The following EPB41 variants were observed in gnomAD, a reference collection of about 807,000 sequenced individuals.
The protein encoded by EPB41 is protein 4.1.
EPB41 carries 65 observed loss-of-function variants against 108.0 expected under a neutral mutation model. That is an observed-to-expected ratio of 0.60 (90% CI 0.49 to 0.74). EPB41 has a LOEUF of 0.74. EPB41 is among the 30% of genes least tolerant of loss of function. The probability of loss-of-function intolerance (pLI) is 0.00; values close to 1 mark genes in which losing one functional copy is unlikely to be tolerated. For synonymous variants in EPB41, 336 were observed against 358.9 expected, an observed-to-expected ratio of 0.94 and a Z score of 0.72; for missense variants, 875 against 1,037.0, an observed-to-expected ratio of 0.84 and a Z score of 2.15.
chr1:28,893,516 T>C (rs2090348244), intron 1 of EPB41: 1 of 152,310 alleles, frequency 6.6e-6, no homozygotes, highest in African/African-American at 2.4e-5. Context: ...CCCCAACACC[T>C]GGCACACAGC....
Position 28,988,365 on chromosome 1 carries a change from C to CT in EPB41, c.468+461dup, listed in dbSNP as rs1187937961. Among the ~76,000 whole-genome samples, 5 of 152,006 alleles carry CT rather than the reference C, an allele frequency of 3.3e-5. No homozygotes were observed. In the South Asian group the frequency reaches 6.2e-4, roughly 19 times the overall value. ...ATCATAAAGCTTTATAGTTTCTACT[C>CT]TATTTTTTTTTTGAGACTGAGTCTT... On this transcript the variant is annotated intron_variant, in intron 2 of 20. Transcript: ENST00000343067.
In EPB41 at chr1:29,033,154, A is replaced by G. The variant is rs756675893; in HGVS notation, c.1274A>G (p.Asp425Gly). ...VCSSGLLVYK[D>G]KLRINRFPWP... is the part of the protein sequence containing the mutation. ...TCTAGTGGCCTTCTGGTTTACAAAG[A>G]TAAGCTGAGAATTAACCGCTTCCCT... is the stretch of plus-strand genomic sequence containing the variant. Residue 425 changes from aspartate (D) to glycine (G), a missense_variant, in exon 9 of 21, where the codon GAT (aspartate) becomes GGT (glycine). Asp to Gly is a moderately conservative substitution (Grantham distance 94). This residue lies in a region of EPB41 where 519 missense variants were observed against 627.3 expected (regional missense o/e 0.83). Transcript: ENST00000343067. The G allele has an allele frequency of 1.2e-6, 2 of 1,613,980 alleles. No individual in the cohort carries two copies. Among genetic ancestry groups the G allele is most frequent in the Non-Finnish European group, 1.7e-6 (2 of 1,179,898 alleles).
chr1:29,109,193 C>G (rs1033111975), intron 17 of EPB41, 143 bp from the exon 18 acceptor site: 1 of 697,038 alleles, frequency 1.4e-6, no homozygotes, highest in Non-Finnish European at 2.6e-6. Flanking sequence ...AGTGAAACTC[C>G]GTCTCAAAAA....
At chr1:29,030,576 T>C (rs1003028258) in intron 8 of EPB41, 89 bp downstream of exon 8, 3 of 1,010,084 alleles carry the variant, frequency 3.0e-6, no homozygotes, top group African/African-American at 3.2e-5. Context: ...CTGTGTCATA[T>C]AATACTTTTT....
intron 1 of EPB41, among the ~76,000 whole-genome samples, chr1:28,894,875 C>T (rs564271473): frequency 6.6e-6 from 1 of 152,312 alleles, no homozygotes; most frequent in South Asian, 2.1e-4. Context: ...GTTCCTCTTT[C>T]TGGCTTTTTT....
chr1:28,993,660 T>TTC (rs1438270356), intron 3 of EPB41, 118 bp downstream of exon 3: 28 of 692,888 alleles, frequency 4.0e-5, no homozygotes, highest in East Asian at 3.3e-4. Flanking sequence ...CTTTTTTCTT[T>TTC]TTTTTTTTTT....
intron 1 of EPB41, among the ~76,000 whole-genome samples, chr1:28,897,706 A>G (rs1451538079): frequency 6.6e-6 from 1 of 150,850 alleles, no homozygotes; most frequent in Non-Finnish European, 1.5e-5. Context: ...GAAGGAAAGA[A>G]AGAAGGCACT....
At position 29,039,403 on chromosome 1, in the gene EPB41, G is replaced by A. The variant is rs749032128; in HGVS notation, c.1613G>A (p.Arg538Gln). 10 of 1,614,042 alleles carry A rather than the reference G, an allele frequency of 6.2e-6. No individual in the cohort carries two copies. Among genetic ancestry groups the A allele is most frequent in the South Asian group, 1.1e-5 (1 of 91,074 alleles). ...APHFERTASK[R>Q]ASRSLDGAAA... Reference sequence around the variant, plus strand: ...CACTTCGAGCGTACAGCAAGTAAACGGGCGTCCCGGAGCCTCGATGGAGGT... The same window carrying A: ...CACTTCGAGCGTACAGCAAGTAAACAGGCGTCCCGGAGCCTCGATGGAGGT... The change falls in exon 11 of 21, where the codon CGG (arginine) becomes CAG (glutamine). Residue 538 changes from arginine to glutamine, a missense_variant. By Grantham distance (43) the Arg-to-Gln change is conservative. Coordinates refer to ENST00000343067, the MANE Select transcript of EPB41 (RefSeq NM_001376013.1).
intron 17 of EPB41, among the ~76,000 whole-genome samples, chr1:29,098,584 G>C (rs1242389455): frequency 6.6e-6 from 1 of 152,164 alleles, no homozygotes; most frequent in East Asian, 1.9e-4. Context: ...TAATGGTTGA[G>C]AACATGGGCT....
chr1:29,092,851 G>A (rs1218769397), intron 16 of EPB41, among the ~76,000 whole-genome samples: 1 of 152,126 alleles, frequency 6.6e-6, no homozygotes, highest in East Asian at 1.9e-4. Flanking sequence ...ATGGCCTCCA[G>A]CTCCATCTGT....
In EPB41 at chr1:29,119,986, CTGTT is replaced by C. The variant is rs1032839557; in HGVS notation, c.*3177_*3180del. The C allele has an allele frequency of 9.8e-5, 15 of 152,726 alleles. No homozygotes were observed. The highest frequency in any genetic ancestry group is 3.1e-4 in the African/African-American group (13 of 41,552). 9.5% of individuals were successfully genotyped at this position (152,726 alleles called of 1,614,324 possible). ...AGAAGTGGTTGTAGTGTTTAGATAT[CTGTT>C]TGGTCTTGCTTCTTGTATTGCATTT... On this transcript the variant is annotated 3_prime_UTR_variant, in exon 21 of 21. Transcript: ENST00000343067.
At chr1:28,989,741 T>C (rs2095961684) in intron 2 of EPB41, among the ~76,000 whole-genome samples, 1 of 152,204 alleles carries the variant, frequency 6.6e-6, no homozygotes, top group Non-Finnish European at 1.5e-5. Context: ...GTGACACTTT[T>C]CACTTTATCA....
chr1:29,070,562 A>G (rs1650850350), intron 16 of EPB41: 3 of 1,231,878 alleles, frequency 2.4e-6, no homozygotes, highest in Admixed American at 4.2e-5. Flanking sequence ...TCCTTTCATG[A>G]TGTCTTTTCT....
At position 29,119,536 on chromosome 1, in the gene EPB41, G is replaced by A. The variant is rs1416897650; in HGVS notation, c.*2724G>A. ...GCAAGACCTGTATTTATAAGCCGAGGGCTCAGGGAGCCTAACTGCGGGACC... is the reference window on the plus strand; with the variant it reads ...GCAAGACCTGTATTTATAAGCCGAGAGCTCAGGGAGCCTAACTGCGGGACC... On this transcript the variant is annotated 3_prime_UTR_variant, in exon 21 of 21. Coordinates refer to ENST00000343067, the MANE Select transcript of EPB41 (RefSeq NM_001376013.1). The A allele has an allele frequency of 6.6e-6, 1 of 152,228 alleles. No homozygotes were observed. Among genetic ancestry groups the A allele is most frequent in the Non-Finnish European group, 1.5e-5 (1 of 68,082 alleles). The allele number at this position is 152,228 out of a possible 1,614,324, so 9.4% of individuals were successfully genotyped here.
chr1:28,887,584 CT>C lies in EPB41; in HGVS notation c.-8+376del. ...GCCCCCGGCCGCCCCCTAGCCCCGC[CT>C]TGCCCGGCCCCGCATGCTCCTGCCG... On this transcript the variant is annotated intron_variant, in intron 1 of 16. Transcript: ENST00000347529. This position sits in a 1 kb window ranked among gnomAD's most constrained non-coding sequence, Gnocchi z 4.9. The C allele has an allele frequency of 2.0e-6, 2 of 985,336 alleles. No individual in the cohort carries two copies. Among genetic ancestry groups the C allele is most frequent in the Non-Finnish European group, 2.4e-6 (2 of 829,878 alleles). The allele number at this position is 985,336 out of a possible 1,614,324, so 61.0% of individuals were successfully genotyped here.
chr1:29,092,208 C>G (rs1285666348), intron 16 of EPB41, among the ~76,000 whole-genome samples: 1 of 151,414 alleles, frequency 6.6e-6, no homozygotes, highest in Non-Finnish European at 1.5e-5. Context: ...AGCAGTTCTC[C>G]TGCCTCAGCC....
At chr1:28,900,433 A>G (rs370123134) in intron 1 of EPB41, among the ~76,000 whole-genome samples, 2,181 of 43,300 alleles carry the variant, frequency 0.05, 52 homozygotes, top group African/African-American at 0.082. Flanking sequence ...GGATATAAGC[A>G]TGCACCACCA....
chr1:29,058,524 A>G lies in EPB41; in HGVS notation c.1846-65A>G, dbSNP rs185076822. ...GCTTAAAGATGCAGCTTATTTGGAA[A>G]CAACACTATTCATAGAAACCTACTA... On this transcript the variant is annotated intron_variant, in intron 12 of 20. Coordinates refer to ENST00000343067, the MANE Select transcript of EPB41 (RefSeq NM_001376013.1). 3.5e-5 allele frequency: 50 copies of G among 1,416,598 alleles called. 1 individual carries two copies. In the Admixed American group the frequency reaches 9.0e-4, roughly 26 times the overall value. The allele number at this position is 1,416,598 out of a possible 1,614,324, so 87.8% of individuals were successfully genotyped here.
chr1:28,943,379 G>T (rs752851297), intron 1 of EPB41, among the ~76,000 whole-genome samples: 1 of 152,152 alleles, frequency 6.6e-6, no homozygotes, highest in African/African-American at 2.4e-5. Context: ...GAGGCCGGGC[G>T]CTGTGGCTCA....
Sources: gnomAD v4.1 joint callset for allele counts (sites outside exome capture counted in the v4.1 genomes callset) on GRCh38, gnomAD v4.1.1 for gene constraint, gnomAD v4.1.1 regional missense constraint, Gnocchi (gnomAD v3.1) non-coding constraint, MANE v1.5 for transcripts, NCBI Gene and HGNC (gene_info 2026-07-23, HGNC 2026-07-21) for gene names.